GRM1: variants seen among roughly 807,000 people sequenced by gnomAD.
The protein encoded by GRM1 is glutamate metabotropic receptor 1.
A neutral mutation model predicts 90.9 loss-of-function variants in GRM1; 33 were observed. The observed-to-expected ratio is 0.36, with a 90% CI of 0.28 to 0.49. The LOEUF (loss-of-function observed/expected upper bound fraction) is 0.49, where lower values mean the gene tolerates loss of function less well. Among genes scored for constraint, GRM1 ranks in the 20% least tolerant of loss-of-function variants. The probability of loss-of-function intolerance (pLI) is 0.99; values close to 1 mark genes in which losing one functional copy is unlikely to be tolerated. For missense variants in GRM1, 1,190 were observed against 1,534.3 expected, an observed-to-expected ratio of 0.78 and a Z score of 3.75; for synonymous variants, 700 against 613.2, an observed-to-expected ratio of 1.14 and a Z score of -2.09.
intron 2 of GRM1, among the ~76,000 whole-genome samples, chr6:146,296,130 T>C (rs1444935556): frequency 6.6e-6 from 1 of 152,216 alleles, no homozygotes; most frequent in African/African-American, 2.4e-5. Flanking sequence ...AGATGGGCAC[T>C]TAGATTGATT....
Position 146,084,810 on chromosome 6 carries a change from T to C in GRM1, c.700+54593T>C, listed in dbSNP as rs746555374. Among the ~76,000 whole-genome samples, 69 of 152,330 alleles carry C rather than the reference T, an allele frequency of 4.5e-4. 1 individual carries two copies. The highest frequency in any genetic ancestry group is 4.6e-4 in the Non-Finnish European group (31 of 68,016). ...ATGTCCTTGTTAATTTTCTGTCTTG[T>C]TGATCTGTCTAATATTGACAGTGCA... is the stretch of plus-strand genomic sequence containing the variant. On this transcript the variant is annotated intron_variant, in intron 1 of 7. Transcript: ENST00000282753.
chr6:146,281,208 A>G (rs889135953), intron 2 of GRM1, among the ~76,000 whole-genome samples: 1 of 152,174 alleles, frequency 6.6e-6, no homozygotes, highest in Non-Finnish European at 1.5e-5. Context: ...TAATTTCATT[A>G]TAAACCAAAT....
At chr6:146,175,345 C>T (rs1778301970) in intron 2 of GRM1, among the ~76,000 whole-genome samples, 1 of 152,188 alleles carries the variant, frequency 6.6e-6, no homozygotes, top group Admixed American at 6.5e-5. Flanking sequence ...CATTGGAGGA[C>T]ATACGTCCCT....
intron 3 of GRM1, among the ~76,000 whole-genome samples, chr6:146,320,458 A>G (rs996878799): frequency 7.9e-5 from 12 of 152,154 alleles, no homozygotes; most frequent in African/African-American, 2.9e-4. Context: ...AGATTTTGGT[A>G]TCAGGATGAT....
At chr6:146,100,746 T>G (rs973163809) in intron 1 of GRM1, among the ~76,000 whole-genome samples, 1 of 152,176 alleles carries the variant, frequency 6.6e-6, no homozygotes, top group Non-Finnish European at 1.5e-5. Context: ...AAAATCTACT[T>G]GTGAACTTCC....
At chr6:146,303,945 A>G (rs534766108) in intron 2 of GRM1, among the ~76,000 whole-genome samples, 31 of 152,334 alleles carry the variant, frequency 2.0e-4, no homozygotes, top group Non-Finnish European at 4.1e-4. Context: ...CAAAAATTCT[A>G]TCTAACTGAA....
chr6:146,116,944 A>G (rs1199472596), intron 1 of GRM1, among the ~76,000 whole-genome samples: 1 of 151,756 alleles, frequency 6.6e-6, no homozygotes, highest in Non-Finnish European at 1.5e-5. Flanking sequence ...CCCCACTCCC[A>G]TTTTTATTTC....
At chr6:146,268,460 T>C (rs1219644936) in intron 2 of GRM1, among the ~76,000 whole-genome samples, 2 of 152,212 alleles carry the variant, frequency 1.3e-5, no homozygotes, top group African/African-American at 4.8e-5. Context: ...CATTTACTTA[T>C]TTGTCTTTCC....
In GRM1 at chr6:146,433,946, G is replaced by A; in HGVS notation, c.2735G>A (p.Arg912His). The A allele has an allele frequency of 6.2e-7, 1 of 1,613,762 alleles. No individual in the cohort carries two copies. Among genetic ancestry groups the A allele is most frequent in the Non-Finnish European group, 8.5e-7 (1 of 1,179,678 alleles). ...QVPKGQHMWH[R>H]LSVHVKTNET... ...CCCAAGGGACAGCATATGTGGCACC[G>A]CCTCTCTGTGCACGTGAAGACCAAT... Residue 912 changes from arginine (R) to histidine (H), a missense_variant, in exon 8 of 8, where the codon CGC (arginine) becomes CAC (histidine). By Grantham distance (29) the Arg-to-His change is conservative. Around this residue, in one of 10 missense-constraint regions of GRM1, gnomAD observed 400 missense variants for 360.8 expected, o/e 1.11. Transcript: ENST00000282753.
chr6:146,086,219 T>G (rs1373769688), intron 1 of GRM1, among the ~76,000 whole-genome samples: 1 of 152,130 alleles, frequency 6.6e-6, no homozygotes, highest in Admixed American at 6.6e-5. Flanking sequence ...CTAAATTAGT[T>G]ATTTGACTTG....
chr6:146,044,618 T>C (rs1293079762), intron 1 of GRM1, among the ~76,000 whole-genome samples: 1 of 151,994 alleles, frequency 6.6e-6, no homozygotes, highest in Non-Finnish European at 1.5e-5. Flanking sequence ...TGTTGATACA[T>C]GTGAGGGATA....
At chr6:146,381,751 A>G (rs1776327096) in intron 5 of GRM1, among the ~76,000 whole-genome samples, 2 of 152,078 alleles carry the variant, frequency 1.3e-5, no homozygotes, top group South Asian at 4.1e-4. Flanking sequence ...CAGTTCCTTT[A>G]TTCTTTTTAG....
chr6:146,403,668 T>C lies in GRM1; in HGVS notation c.2660+3969T>C, dbSNP rs187218133. On this transcript the variant is annotated intron_variant, in intron 7 of 7. Coordinates refer to ENST00000282753, the MANE Select transcript of GRM1 (RefSeq NM_001278064.2). ...GCCTGCAGCATTAGTCATTATGTCC[T>C]GGGTAAGCATTTTGGTTTTCTTTCC... 3.3e-3 allele frequency among the ~76,000 whole-genome samples: 509 copies of C among 152,242 alleles called. 2 individuals carry two copies. Among genetic ancestry groups the C allele is most frequent in the Middle Eastern group, 0.014 (4 of 294 alleles).
At chr6:146,068,890 T>C (rs1775940019) in intron 1 of GRM1, among the ~76,000 whole-genome samples, 1 of 152,232 alleles carries the variant, frequency 6.6e-6, no homozygotes, top group African/African-American at 2.4e-5. Context: ...CATCAATTGA[T>C]ACATATTTAA....
Position 146,029,934 on chromosome 6 carries a change from G to C in GRM1, c.417G>C (p.Arg139=), listed in dbSNP as rs767056352. The C allele has an allele frequency of 7.4e-6, 12 of 1,614,138 alleles. No individual in the cohort carries two copies. The highest frequency in any genetic ancestry group is 1.0e-5 in the Non-Finnish European group (12 of 1,180,018). ...SIRDEKDGIN[R]CLPDGQSLPP... is the part of the protein sequence containing the mutation. ...GAGATGAGAAGGATGGGATCAACCG[G>C]TGTCTGCCTGACGGCCAGTCCCTCC... Residue 139 remains arginine, a synonymous_variant, in exon 1 of 8, where the codon CGG becomes CGC. Coordinates refer to ENST00000282753, the MANE Select transcript of GRM1 (RefSeq NM_001278064.2).
At chr6:146,057,464 A>T (rs1470830615) in intron 1 of GRM1, among the ~76,000 whole-genome samples, 1 of 152,146 alleles carries the variant, frequency 6.6e-6, no homozygotes. Context: ...TTTTATAAAG[A>T]TGCTACATTA....
chr6:146,194,217 T>A (rs943737092), intron 2 of GRM1, among the ~76,000 whole-genome samples: 1 of 152,174 alleles, frequency 6.6e-6, no homozygotes, highest in Non-Finnish European at 1.5e-5. Context: ...CTTTGTCCAG[T>A]TTCCTGCTAT....
chr6:146,209,235 T>A (rs1441378143), intron 2 of GRM1, among the ~76,000 whole-genome samples: 6 of 152,092 alleles, frequency 3.9e-5, no homozygotes, highest in Admixed American at 3.9e-4. Flanking sequence ...ATTTTTATTT[T>A]TAGAAAATTG....
At chr6:146,094,050 A>G (rs540803608) in intron 1 of GRM1, among the ~76,000 whole-genome samples, 1 of 152,230 alleles carries the variant, frequency 6.6e-6, no homozygotes, top group East Asian at 1.9e-4. Context: ...TAGTGCTTAT[A>G]AAAACAACCC....
Sources: allele counts gnomAD v4.1 joint callset (sites outside exome capture counted in the v4.1 genomes callset), GRCh38; gene constraint gnomAD v4.1.1; regional missense constraint gnomAD v4.1.1; transcripts MANE v1.5; gene names NCBI Gene and HGNC (gene_info 2026-07-23, HGNC 2026-07-21).